Variants in RPS6KB1 observed in about 807,000 individuals in gnomAD.
The protein encoded by RPS6KB1 is ribosomal protein S6 kinase beta-1.
RPS6KB1 carries 12 observed loss-of-function variants against 70.2 expected under a neutral mutation model. The observed-to-expected ratio is 0.17, with a 90% confidence interval of 0.11 to 0.28. The LOEUF is 0.28. Among genes scored for constraint, RPS6KB1 ranks in the 10% least tolerant of loss-of-function variants. RPS6KB1 has a pLI of 1.00. For synonymous variants in RPS6KB1, 175 were observed against 211.2 expected (o/e 0.83, Z 1.49); for missense variants, 270 against 646.6 (o/e 0.42, Z 6.32).
chr17:59,932,610 G>A (rs2043991306), intron 7 of RPS6KB1, among the ~76,000 whole-genome samples: 1 of 147,844 alleles, frequency 6.8e-6, no homozygotes, highest in Non-Finnish European at 1.5e-5. Context: ...AGAGTATGGT[G>A]GCATGATTAC....
intron 1 of RPS6KB1, among the ~76,000 whole-genome samples, chr17:59,905,611 TCTC>T (rs1411115565): frequency 6.6e-6 from 1 of 150,490 alleles, no homozygotes; most frequent in Non-Finnish European, 1.5e-5. Context: ...TTCAAGCAAT[TCTC>T]CTGCCTCAGC....
intron 4 of RPS6KB1, among the ~76,000 whole-genome samples, chr17:59,922,782 G>C (rs1005506006): frequency 1.3e-5 from 2 of 151,668 alleles, no homozygotes; most frequent in African/African-American, 4.8e-5. Flanking sequence ...TTGACCCCGT[G>C]ATCTAGCCAC....
At chr17:59,935,636 G>A (rs1160386118) in intron 10 of RPS6KB1, among the ~76,000 whole-genome samples, 7 of 151,652 alleles carry the variant, frequency 4.6e-5, no homozygotes, top group Admixed American at 2.0e-4. Context: ...CACCACGCCC[G>A]GCTAATTTTT....
chr17:59,940,702 C>T, intron 12 of RPS6KB1, 134 bp from the exon 13 acceptor site: 1 of 458,580 alleles, frequency 2.2e-6, no homozygotes, highest in African/African-American at 2.0e-5. Context: ...TTTCTTCATT[C>T]TGTGCCTGCT....
At chr17:59,935,433 G>T (rs1321594011) in intron 10 of RPS6KB1, 133 bp downstream of exon 10, 5 of 532,848 alleles carry the variant, frequency 9.4e-6, no homozygotes, top group Non-Finnish European at 1.7e-5. Context: ...TTTTGAAGGC[G>T]AAGTACAGAT....
At chr17:59,915,855 G>A (rs190803290) in intron 4 of RPS6KB1, among the ~76,000 whole-genome samples, 32 of 109,036 alleles carry the variant, frequency 2.9e-4, no homozygotes, top group Non-Finnish European at 4.9e-4. Flanking sequence ...GAGTGATCTC[G>A]GCTCACCACA....
intron 7 of RPS6KB1, 89 bp downstream of exon 7, chr17:59,931,811 C>T (rs1038982114): frequency 1.3e-6 from 1 of 792,038 alleles, no homozygotes; most frequent in Non-Finnish European, 2.1e-6. Flanking sequence ...GCCCCAAATT[C>T]ATCTCTCTAT....
chr17:59,906,818 C>T (rs1195396437), intron 1 of RPS6KB1, among the ~76,000 whole-genome samples: 4 of 151,926 alleles, frequency 2.6e-5, no homozygotes, highest in South Asian at 2.1e-4. Flanking sequence ...CTCAACTTCC[C>T]GAGTAGCTGA....
chr17:59,895,530 C>T (rs1283974660), intron 1 of RPS6KB1, among the ~76,000 whole-genome samples: 4 of 151,152 alleles, frequency 2.6e-5, no homozygotes, highest in African/African-American at 9.7e-5. Flanking sequence ...ACCATGTGGC[C>T]CAGGCTGGTC....
chr17:59,910,691 G>C (rs2042581404), intron 2 of RPS6KB1, 80 bp downstream of exon 2: 1 of 876,528 alleles, frequency 1.1e-6, no homozygotes, highest in Admixed American at 2.3e-5. Context: ...TAGCAATCAT[G>C]TGATTCCTGT....
At chr17:59,898,147 T>C (rs779321332) in intron 1 of RPS6KB1, among the ~76,000 whole-genome samples, 2 of 152,024 alleles carry the variant, frequency 1.3e-5, no homozygotes, top group Non-Finnish European at 2.9e-5. Context: ...AGAATTTAGA[T>C]TGCAAAAATG....
At chr17:59,945,823 T>C (rs541690796) in intron 14 of RPS6KB1, among the ~76,000 whole-genome samples, 1 of 152,224 alleles carries the variant, frequency 6.6e-6, no homozygotes, top group Non-Finnish European at 1.5e-5. Flanking sequence ...TGTGTGTATC[T>C]ATATAGTACT....
chr17:59,931,954 T>C (rs2043946174), intron 7 of RPS6KB1, among the ~76,000 whole-genome samples: 4 of 152,212 alleles, frequency 2.6e-5, no homozygotes, highest in Admixed American at 2.6e-4. Context: ...TTTAGTTTAA[T>C]CCTTACTCTT....
chr17:59,922,865 T>A (rs1972190775), intron 4 of RPS6KB1, among the ~76,000 whole-genome samples: 2 of 133,792 alleles, frequency 1.5e-5, no homozygotes, highest in South Asian at 5.0e-4. Context: ...TTTAAAAAAA[T>A]TTGTTTGTTT....
chr17:59,936,679 C>T (rs2044265619), intron 12 of RPS6KB1, 138 bp downstream of exon 12: 1 of 696,536 alleles, frequency 1.4e-6, no homozygotes, highest in Admixed American at 2.5e-5. Flanking sequence ...GACTCCATAT[C>T]TACAAAACAT....
At chr17:59,912,846 A>G (rs190358084) in intron 3 of RPS6KB1, 42 bp downstream of exon 3, 1 of 1,603,038 alleles carries the variant, frequency 6.2e-7, no homozygotes, top group East Asian at 2.2e-5. Context: ...TCTGTCTTGA[A>G]TAGATTGATT....
At chr17:59,917,386 G>C (rs1022021127) in intron 4 of RPS6KB1, among the ~76,000 whole-genome samples, 1 of 151,968 alleles carries the variant, frequency 6.6e-6, no homozygotes, top group Admixed American at 6.6e-5. Context: ...AAAGTGCTGG[G>C]ATTGGATTAC....
intron 1 of RPS6KB1, among the ~76,000 whole-genome samples, chr17:59,894,812 C>T (rs1222044937): frequency 6.6e-6 from 1 of 151,920 alleles, no homozygotes; most frequent in African/African-American, 2.4e-5. Context: ...ACCATATTGG[C>T]CAGGCTGTTC....
intron 4 of RPS6KB1, among the ~76,000 whole-genome samples, chr17:59,922,551 CTT>C (rs71145590): frequency 1.2e-3 from 93 of 80,358 alleles, no homozygotes; most frequent in Non-Finnish European, 1.5e-3. Flanking sequence ...TTTTATACTC[CTT>C]TTTTTTTTTT....
Sources: gnomAD v4.1 joint callset for allele counts (sites outside exome capture counted in the v4.1 genomes callset) on GRCh38, gnomAD v4.1.1 for gene constraint, MANE v1.5 for transcripts, NCBI Gene and HGNC (gene_info 2026-07-23, HGNC 2026-07-21) for gene names.